Variants in MAPK9 observed in about 807,000 individuals in gnomAD.
The protein encoded by MAPK9 is Jun kinase.
MAPK9 carries 30 observed loss-of-function variants against 57.1 expected under a neutral mutation model. The observed-to-expected ratio is 0.53, with a 90% CI of 0.39 to 0.71. The LOEUF (loss-of-function observed/expected upper bound fraction) is 0.71. Among genes scored for constraint, MAPK9 ranks in the 30% least tolerant of loss-of-function variants. The pLI, the probability that MAPK9 is intolerant of heterozygous loss-of-function variation, is 0.00. For synonymous variants in MAPK9, 155 were observed against 177.0 expected, an observed-to-expected ratio of 0.88 and a Z score of 0.99; for missense variants, 362 against 521.0, an observed-to-expected ratio of 0.69 and a Z score of 2.97.
At chr5:180,250,799 A>G (rs1758597686) in intron 5 of MAPK9, among the ~76,000 whole-genome samples, 1 of 152,092 alleles carries the variant, frequency 6.6e-6, no homozygotes, top group Non-Finnish European at 1.5e-5. Context: ...ATTCCACCTT[A>G]GAGTACTGTG....
rs533213705 is a variant in MAPK9, at chr5:180,242,785, G to A, written c.689-30C>T. Reference sequence around the variant, plus strand: ...GGAGTTTCTTGAGGAAAATACAACTGAAGTACCTTGTATTCACAGTACATG... The same window carrying A: ...GGAGTTTCTTGAGGAAAATACAACTAAAGTACCTTGTATTCACAGTACATG... On this transcript the variant is annotated intron_variant, in intron 7 of 11. Coordinates refer to ENST00000452135, the MANE Select transcript of MAPK9 (RefSeq NM_002752.5). 6 of 1,557,588 alleles carry A rather than the reference G, an allele frequency of 3.9e-6. No individual in the cohort carries two copies. In the South Asian group the frequency reaches 6.8e-5, roughly 18 times the overall value.
At chr5:180,252,271 T>C (rs1758791968) in intron 5 of MAPK9, among the ~76,000 whole-genome samples, 1 of 152,152 alleles carries the variant, frequency 6.6e-6, no homozygotes, top group South Asian at 2.1e-4. Flanking sequence ...GAGGATGCAT[T>C]TGCCCCATCA....
At chr5:180,288,786 T>C (rs1200542687) in intron 1 of MAPK9, among the ~76,000 whole-genome samples, 1 of 152,242 alleles carries the variant, frequency 6.6e-6, no homozygotes, top group Non-Finnish European at 1.5e-5. Flanking sequence ...TGACATGATA[T>C]TTAGGATTTG....
chr5:180,259,092 G>A (rs1162462793), intron 5 of MAPK9, among the ~76,000 whole-genome samples: 1 of 151,768 alleles, frequency 6.6e-6, no homozygotes, highest in Non-Finnish European at 1.5e-5. Flanking sequence ...TTGAACACAT[G>A]AAAAATCTCA....
chr5:180,236,269 T>C lies in MAPK9; in HGVS notation c.*115A>G. 8.4e-7 allele frequency: 1 copy of C among 1,193,936 alleles called. No homozygotes were observed. The highest frequency in any genetic ancestry group is 1.1e-6 in the Non-Finnish European group (1 of 872,998). 74.0% of individuals were successfully genotyped at this position (1,193,936 alleles called of 1,614,324 possible). ...GGTCTGAGTAGGGCAAGGCATTGTG[T>C]TTCTTACATGCAGAACATGGAGTTT... is the stretch of plus-strand genomic sequence containing the variant. On this transcript the variant is annotated 3_prime_UTR_variant, in exon 12 of 12. Transcript: ENST00000452135.
intron 3 of MAPK9, among the ~76,000 whole-genome samples, chr5:180,267,123 A>AC (rs1760644746): frequency 6.6e-6 from 1 of 152,270 alleles, no homozygotes; most frequent in African/African-American, 2.4e-5. Context: ...GTACTTGTGC[A>AC]CATGTATGCA....
intron 5 of MAPK9, chr5:180,257,650 G>A (rs887957049): frequency 6.6e-6 from 1 of 152,264 alleles, no homozygotes; most frequent in East Asian, 1.9e-4. Flanking sequence ...CCCTAAGCAG[G>A]ATGCCATAGA....
chr5:180,288,836 C>T (rs552141190), intron 1 of MAPK9, among the ~76,000 whole-genome samples: 2 of 152,150 alleles, frequency 1.3e-5, no homozygotes. Context: ...CAAGTGGATA[C>T]CATTAGAGAT....
chr5:180,235,368 G>A lies in MAPK9; in HGVS notation c.*1016C>T, dbSNP rs934060525. On this transcript the variant is annotated 3_prime_UTR_variant, in exon 12 of 12. Coordinates refer to ENST00000452135, the MANE Select transcript of MAPK9 (RefSeq NM_002752.5). ...AACGTGGTATTGGCCGAGGGAAAGT[G>A]AATGAGGGAAGGTAAATAAAGGACC... 1 of 152,216 alleles carries A rather than the reference G, an allele frequency of 6.6e-6. No homozygotes were observed. The highest frequency in any genetic ancestry group is 2.4e-5 in the African/African-American group (1 of 41,446). The allele number at this position is 152,216 out of a possible 1,614,324, so 9.4% of individuals were successfully genotyped here.
intron 8 of MAPK9, 136 bp downstream of exon 8, chr5:180,242,437 G>T: frequency 2.7e-6 from 2 of 727,558 alleles, no homozygotes; most frequent in Non-Finnish European, 4.4e-6. Flanking sequence ...TCTCTCCTCA[G>T]TGCCTTCGTA....
Position 180,241,043 on chromosome 5 carries a change from G to C in MAPK9, c.984C>G (p.Ala328=). 1 of 1,611,700 alleles carries C rather than the reference G, an allele frequency of 6.2e-7. No homozygotes were observed. The highest frequency in any genetic ancestry group is 8.5e-7 in the Non-Finnish European group (1 of 1,178,974). ...HPYITVWYDP[A]EAEAPPPQIY... ...AACAGATACTCACGGCTTCTGCTTC[G>C]GCGGGGTCATACCAAACAGTGATGT... is the stretch of plus-strand genomic sequence containing the variant. Residue 328 remains alanine, a synonymous_variant, in exon 9 of 12, where the codon GCC becomes GCG. Transcript: ENST00000452135.
chr5:180,267,300 G>A (rs1047161876), intron 3 of MAPK9, among the ~76,000 whole-genome samples: 9 of 152,020 alleles, frequency 5.9e-5, no homozygotes, highest in African/African-American at 1.2e-4. Flanking sequence ...GGTGGCTCAC[G>A]CCTGTAATCC....
intron 4 of MAPK9, among the ~76,000 whole-genome samples, chr5:180,263,351 C>T (rs1169314413): frequency 6.6e-6 from 1 of 152,232 alleles, no homozygotes. Context: ...ATGGACCCTC[C>T]GTCATCCCTT....
At chr5:180,249,963 T>C (rs1049450913) in intron 5 of MAPK9, among the ~76,000 whole-genome samples, 6 of 152,192 alleles carry the variant, frequency 3.9e-5, no homozygotes, top group Non-Finnish European at 8.8e-5. Context: ...CGTCTGATCC[T>C]GGAATCTTCC....
At chr5:180,269,867 G>T (rs1171514286) in intron 2 of MAPK9, among the ~76,000 whole-genome samples, 2 of 152,088 alleles carry the variant, frequency 1.3e-5, no homozygotes, top group Non-Finnish European at 2.9e-5. Context: ...GAATCACTGT[G>T]TTTTTTTCAC....
At chr5:180,236,793 C>G in intron 11 of MAPK9, 2 of 280,512 alleles carry the variant, frequency 7.1e-6, no homozygotes, top group Non-Finnish European at 1.3e-5. Context: ...CATGTATAAT[C>G]ATGTTAGCTA....
chr5:180,250,653 A>G (rs1264318860), intron 5 of MAPK9, among the ~76,000 whole-genome samples: 1 of 152,166 alleles, frequency 6.6e-6, no homozygotes, highest in Non-Finnish European at 1.5e-5. Context: ...CAACAGGTAC[A>G]ATTACACTGC....
chr5:180,282,302 T>G (rs1762379244), intron 1 of MAPK9, among the ~76,000 whole-genome samples: 1 of 152,218 alleles, frequency 6.6e-6, no homozygotes, highest in Admixed American at 6.5e-5. Context: ...AGGGGGTACC[T>G]TTATGCACGA....
At chr5:180,249,212 C>A in intron 5 of MAPK9, 74 bp from the exon 6 acceptor site, 2 of 1,397,090 alleles carry the variant, frequency 1.4e-6, no homozygotes, top group East Asian at 2.5e-5. Flanking sequence ...CCGTGAGGGT[C>A]GTGAAGCCAG....
Sources: gnomAD v4.1 joint callset for allele counts (sites outside exome capture counted in the v4.1 genomes callset) on GRCh38, gnomAD v4.1.1 for gene constraint, MANE v1.5 for transcripts, NCBI Gene and HGNC (gene_info 2026-07-23, HGNC 2026-07-21) for gene names.